Variants in SMC2 observed in about 807,000 individuals in gnomAD.
The protein encoded by SMC2 is structural maintenance of chromosomes 2.
Under a neutral mutation model 142.6 loss-of-function variants are expected in SMC2, and 41 were observed. The observed-to-expected ratio is 0.29, with a 90% confidence interval of 0.22 to 0.37. SMC2 has a LOEUF of 0.37. Among genes scored for constraint, SMC2 ranks in the 10% least tolerant of loss-of-function variants. The pLI is 1.00. For missense variants in SMC2, 1,265 were observed against 1,373.7 expected (o/e 0.92, Z 1.25); for synonymous variants, 463 against 457.5 (o/e 1.01, Z -0.15).
intron 11 of SMC2, 145 bp downstream of exon 11, chr9:104,113,620 T>C (rs1832742832): frequency 1.7e-6 from 1 of 601,546 alleles, no homozygotes; most frequent in African/African-American, 1.9e-5. Flanking sequence ...GTAAATATCG[T>C]CAAAAAATAC....
Position 104,096,126 on chromosome 9 carries a change from CACTTT to C in SMC2, c.169-21_169-17del. 1 of 1,606,032 alleles carries C rather than the reference CACTTT, an allele frequency of 6.2e-7. No homozygotes were observed. Among genetic ancestry groups the C allele is most frequent in the Admixed American group, 1.7e-5 (1 of 59,338 alleles). On this transcript the variant is annotated splice_polypyrimidine_tract_variant and intron_variant, in intron 2 of 24. Coordinates refer to ENST00000374793, the MANE Select transcript of SMC2 (RefSeq NM_006444.3). ...ACGGTAGGGAGTTTTGTAATTGTTA[CACTTT>C]TCATATTTTATTTTAGGTTCGGGCT... is the stretch of plus-strand genomic sequence containing the variant.
chr9:104,122,870 A>G (rs1008713006), intron 16 of SMC2, among the ~76,000 whole-genome samples: 1 of 152,104 alleles, frequency 6.6e-6, no homozygotes, highest in African/African-American at 2.4e-5. Flanking sequence ...TCTAATGTAA[A>G]TAGTTGTTAC....
chr9:104,095,660 G>A, intron 2 of SMC2, 108 bp downstream of exon 2: 2 of 821,392 alleles, frequency 2.4e-6, no homozygotes, highest in South Asian at 1.7e-5. Context: ...TATACTTTTT[G>A]TAAATTACAC....
At chr9:104,089,768 C>T (rs527731433), upstream of SMC2, among the ~76,000 whole-genome samples, 1 of 152,028 alleles carries the variant, frequency 6.6e-6, no homozygotes, top group Non-Finnish European at 1.5e-5. Context: ...CGTGCCTCAG[C>T]CTTCTGAGTA....
chr9:104,110,479 T>C (rs755294174), intron 9 of SMC2, among the ~76,000 whole-genome samples: 8 of 152,168 alleles, frequency 5.3e-5, no homozygotes, highest in Admixed American at 1.3e-4. Flanking sequence ...GTTATGTTAT[T>C]GGTAAGGCTT....
intron 19 of SMC2, among the ~76,000 whole-genome samples, chr9:104,127,054 C>T (rs1834384206): frequency 6.6e-6 from 1 of 152,158 alleles, no homozygotes. Context: ...GAGCGTGCAG[C>T]ATGAGCATTG....
rs531759968 is a variant in SMC2 at position 104,098,206 on chromosome 9, G to T, written c.319-240G>T. 1.3e-3 allele frequency among the ~76,000 whole-genome samples: 200 copies of T among 152,206 alleles called. 2 individuals carry two copies. The highest frequency in any genetic ancestry group is 2.2e-3 in the Non-Finnish European group (153 of 68,020). On this transcript the variant is annotated intron_variant, in intron 3 of 24. Transcript: ENST00000374793. ...CGGAGACCTAGTCTGGTGCAGGCCA[G>T]GGTAAGAGGCTTGTGTGTAATTACA...
At chr9:104,118,864 A>G (rs1265252616) in intron 15 of SMC2, among the ~76,000 whole-genome samples, 2 of 152,232 alleles carry the variant, frequency 1.3e-5, no homozygotes, top group East Asian at 1.9e-4. Flanking sequence ...GAACATGTCT[A>G]TCATTCTATA....
rs996132541 is a variant in SMC2 at position 104,138,033 on chromosome 9, G to A, written c.3285G>A (p.Leu1095=). 3 of 1,583,188 alleles carry A rather than the reference G, an allele frequency of 1.9e-6. No individual in the cohort carries two copies. Among genetic ancestry groups the A allele is most frequent in the Non-Finnish European group, 2.6e-6 (3 of 1,161,826 alleles). The change falls in exon 24 of 25, where the codon TTG becomes TTA. Residue 1095 remains leucine (L), a synonymous_variant. Coordinates refer to ENST00000374793, the MANE Select transcript of SMC2 (RefSeq NM_006444.3). ...CTTTTCTTAGGTCTTTAGTGGCCTTGTCATTAATACTGTCCATGCTTCTCT... is the reference window on the plus strand; with the variant it reads ...CTTTTCTTAGGTCTTTAGTGGCCTTATCATTAATACTGTCCATGCTTCTCT... The part of the protein sequence containing the change: ...LSGGQRSLVA[L]SLILSMLLFK...
intron 21 of SMC2, 148 bp downstream of exon 21, chr9:104,129,993 A>T: frequency 1.6e-6 from 1 of 639,468 alleles, no homozygotes; most frequent in South Asian, 2.1e-5. Flanking sequence ...TCTTTTCGTC[A>T]TTTTTTTCTT....
At chr9:104,137,366 AATGAGCTGCAG>A (rs1165640748) in intron 23 of SMC2, among the ~76,000 whole-genome samples, 1 of 152,158 alleles carries the variant, frequency 6.6e-6, no homozygotes, top group African/African-American at 2.4e-5. Flanking sequence ...ACCAGATTAG[AATGAGCTGCAG>A]TAAGCTAAAA....
chr9:104,130,337 A>T (rs1409767399), intron 21 of SMC2, among the ~76,000 whole-genome samples: 1 of 152,124 alleles, frequency 6.6e-6, no homozygotes, highest in African/African-American at 2.4e-5. Flanking sequence ...CTGGGAAGGG[A>T]GTTTACTGTC....
Position 104,140,228 on chromosome 9 carries a change from TAACTC to T in SMC2, c.*916_*920del, listed in dbSNP as rs1337937028. Reference sequence around the variant, plus strand: ...TGATATATATATGTATAAATATAAATAACTCAATCCATCTGTTCCACCAAAATAAC... The same window carrying T: ...TGATATATATATGTATAAATATAAATAATCCATCTGTTCCACCAAAATAAC... On this transcript the variant is annotated 3_prime_UTR_variant, in exon 25 of 25. Coordinates refer to ENST00000374793, the MANE Select transcript of SMC2 (RefSeq NM_006444.3). The T allele has an allele frequency of 6.6e-6, 1 of 152,110 alleles. No individual in the cohort carries two copies. The highest frequency in any genetic ancestry group is 1.5e-5 in the Non-Finnish European group (1 of 67,988). 9.4% of individuals were successfully genotyped at this position (152,110 alleles called of 1,614,324 possible). A position where few individuals can be genotyped will look rare whatever the true frequency, so the allele number is the denominator to read the frequency against.
At chr9:104,096,604 A>G (rs776226438) in intron 3 of SMC2, among the ~76,000 whole-genome samples, 8 of 152,342 alleles carry the variant, frequency 5.3e-5, no homozygotes, top group East Asian at 1.9e-4. Flanking sequence ...AGATCTTTCA[A>G]TCTTCTGAGA....
In SMC2 at chr9:104,139,937, A is replaced by C. The variant is rs1426914102; in HGVS notation, c.*622A>C. On this transcript the variant is annotated 3_prime_UTR_variant, in exon 25 of 25. Transcript: ENST00000374793. ...GCTTAATAATTGGTCTCTACGTTTT[A>C]ATGATACATGAATATCATGTTCCTA... is the stretch of plus-strand genomic sequence containing the variant. 1 of 151,644 alleles carries C rather than the reference A, an allele frequency of 6.6e-6. No individual in the cohort carries two copies. Among genetic ancestry groups the C allele is most frequent in the African/African-American group, 2.4e-5 (1 of 41,090 alleles). 9.4% of individuals were successfully genotyped at this position (151,644 alleles called of 1,614,324 possible).
At chr9:104,120,706 T>C (rs534829292) in intron 16 of SMC2, among the ~76,000 whole-genome samples, 7 of 152,352 alleles carry the variant, frequency 4.6e-5, no homozygotes, top group African/African-American at 1.4e-4. Context: ...GGATAAGATA[T>C]GTATATACTT....
At chr9:104,088,840 G>A in the SMC2 span, among the ~76,000 whole-genome samples, 5 of 152,016 alleles carry the variant, frequency 3.3e-5, no homozygotes, top group Admixed American at 3.3e-4. Flanking sequence ...ATTCATCTTT[G>A]TATCCCAGCA....
At chr9:104,096,737 C>G (rs1830479581) in intron 3 of SMC2, among the ~76,000 whole-genome samples, 1 of 152,212 alleles carries the variant, frequency 6.6e-6, no homozygotes, top group African/African-American at 2.4e-5. Context: ...AAGAGCAAAT[C>G]TAACTTATTC....
chr9:104,099,747 A>G (rs189876114), intron 5 of SMC2, 65 bp downstream of exon 5: 14 of 992,022 alleles, frequency 1.4e-5, no homozygotes, highest in Admixed American at 6.7e-5. Context: ...CTTTCAGACA[A>G]TTTTTAAATA....
Sources: allele counts gnomAD v4.1 joint callset (sites outside exome capture counted in the v4.1 genomes callset), GRCh38; gene constraint gnomAD v4.1.1; transcripts MANE v1.5; gene names NCBI Gene and HGNC (gene_info 2026-07-23, HGNC 2026-07-21).